The following CSMD3 variants were observed in gnomAD, a reference collection of about 807,000 sequenced individuals.
CSMD3 encodes the protein CUB and sushi domain-containing protein 3.
Under a neutral mutation model 435.2 loss-of-function variants are expected in CSMD3, and 177 were observed. The observed-to-expected ratio is 0.41, with a 90% confidence interval of 0.36 to 0.46. The LOEUF is 0.46. CSMD3 is among the 20% of genes least tolerant of loss of function. The pLI, the probability that CSMD3 is intolerant of heterozygous loss-of-function variation, is 0.34. For synonymous variants in CSMD3, 1,656 were observed against 1,520.5 expected, an observed-to-expected ratio of 1.09 and a Z score of -2.07; for missense variants, 4,265 against 4,504.6, an observed-to-expected ratio of 0.95 and a Z score of 1.52.
intron 58 of CSMD3, among the ~76,000 whole-genome samples, chr8:112,284,831 C>T (rs1819016243): frequency 6.6e-6 from 1 of 151,828 alleles, no homozygotes; most frequent in Non-Finnish European, 1.5e-5. Context: ...TGTCAAATTG[C>T]TCTCAAAATA....
At chr8:112,879,274 G>T (rs749058579) in intron 10 of CSMD3, among the ~76,000 whole-genome samples, 1 of 152,130 alleles carries the variant, frequency 6.6e-6, no homozygotes, top group Admixed American at 6.5e-5. Context: ...TGCAGTTGCA[G>T]ATAAGAGATG....
At chr8:113,035,335 A>G (rs2087297087) in intron 5 of CSMD3, among the ~76,000 whole-genome samples, 1 of 152,042 alleles carries the variant, frequency 6.6e-6, no homozygotes, top group Non-Finnish European at 1.5e-5. Flanking sequence ...AAGTTTATGT[A>G]CATTCAAGAA....
chr8:112,430,039 T>G (rs570481009), intron 32 of CSMD3, among the ~76,000 whole-genome samples: 9 of 152,144 alleles, frequency 5.9e-5, no homozygotes, highest in African/African-American at 1.9e-4. Flanking sequence ...TGCATAAAAC[T>G]TTCTTACAAA....
chr8:112,837,542 T>C (rs1305208238), intron 11 of CSMD3, among the ~76,000 whole-genome samples: 1 of 151,822 alleles, frequency 6.6e-6, no homozygotes, highest in Non-Finnish European at 1.5e-5. Context: ...GAAATATGTA[T>C]TACAATAAGC....
chr8:112,938,679 C>T (rs1003613577), intron 9 of CSMD3, among the ~76,000 whole-genome samples: 3 of 151,962 alleles, frequency 2.0e-5, no homozygotes, highest in African/African-American at 4.8e-5. Context: ...ACACACCACA[C>T]GACTGAAGTG....
chr8:112,559,936 A>AT (rs1258518579), intron 24 of CSMD3, among the ~76,000 whole-genome samples: 1 of 151,770 alleles, frequency 6.6e-6, no homozygotes, highest in Admixed American at 6.6e-5. Context: ...TAAGACAAAA[A>AT]TGCTGGAGAA....
chr8:112,420,386 C>A (rs1347679722), intron 32 of CSMD3, among the ~76,000 whole-genome samples: 2 of 152,028 alleles, frequency 1.3e-5, no homozygotes, highest in Non-Finnish European at 2.9e-5. Context: ...AAAATAGCCA[C>A]AATATAATTA....
chr8:112,841,816 T>A (rs1250035269), intron 11 of CSMD3, among the ~76,000 whole-genome samples: 1 of 151,822 alleles, frequency 6.6e-6, no homozygotes. Flanking sequence ...TCTCTGCAGA[T>A]GTTGCTCCCT....
intron 1 of CSMD3, among the ~76,000 whole-genome samples, chr8:113,432,724 A>G (rs1402527099): frequency 2.0e-5 from 3 of 152,182 alleles, no homozygotes; most frequent in Non-Finnish European, 4.4e-5. Context: ...GAGTGAGGAC[A>G]GCGCTGCGGT....
At chr8:113,390,717 C>T (rs990574546) in intron 1 of CSMD3, among the ~76,000 whole-genome samples, 2 of 151,870 alleles carry the variant, frequency 1.3e-5, no homozygotes, top group Non-Finnish European at 2.9e-5. Context: ...ACTGACAATT[C>T]TTCAAGAATA....
At chr8:112,506,269 A>G (rs1586548172) in intron 29 of CSMD3, among the ~76,000 whole-genome samples, 1 of 152,184 alleles carries the variant, frequency 6.6e-6, no homozygotes, top group South Asian at 2.1e-4. Flanking sequence ...TAAGCTTAAC[A>G]TTTCACATAA....
At chr8:113,230,202 G>A (rs146365858) in intron 3 of CSMD3, among the ~76,000 whole-genome samples, 17 of 151,744 alleles carry the variant, frequency 1.1e-4, no homozygotes, top group African/African-American at 4.1e-4. Flanking sequence ...TCAATTGCCA[G>A]ATGTTTTAAA....
At chr8:113,175,993 T>G (rs1430460038) in intron 3 of CSMD3, among the ~76,000 whole-genome samples, 2 of 151,992 alleles carry the variant, frequency 1.3e-5, no homozygotes, top group African/African-American at 4.8e-5. Context: ...AATGAACAAA[T>G]AAATGTATCC....
chr8:113,260,099 G>A (rs541333587), intron 3 of CSMD3, among the ~76,000 whole-genome samples: 29 of 152,156 alleles, frequency 1.9e-4, no homozygotes, highest in African/African-American at 7.0e-4. Flanking sequence ...AGTTTCCAGA[G>A]CCCTCCCTAG....
intron 2 of CSMD3, among the ~76,000 whole-genome samples, chr8:113,307,139 G>A (rs866108017): frequency 6.6e-6 from 1 of 151,980 alleles, no homozygotes; most frequent in African/African-American, 2.4e-5. Flanking sequence ...AGGGAGAAGA[G>A]TAATATTACT....
chr8:112,718,403 C>T (rs564279923), intron 13 of CSMD3, among the ~76,000 whole-genome samples: 6 of 152,016 alleles, frequency 3.9e-5, no homozygotes, highest in African/African-American at 1.2e-4. Flanking sequence ...CAACTCAACT[C>T]AACTCAACTC....
chr8:112,488,136 T>C (rs560123581), intron 31 of CSMD3, among the ~76,000 whole-genome samples: 1 of 152,294 alleles, frequency 6.6e-6, no homozygotes, highest in South Asian at 2.1e-4. Context: ...TTCTGACAAA[T>C]ATAATCTCCC....
At chr8:113,134,965 T>C (rs1220314339) in intron 4 of CSMD3, among the ~76,000 whole-genome samples, 2 of 151,952 alleles carry the variant, frequency 1.3e-5, no homozygotes, top group East Asian at 1.9e-4. Flanking sequence ...TTGTAACAAC[T>C]CACTCCCTAA....
chr8:112,524,562 A>G (rs994619320), intron 27 of CSMD3, among the ~76,000 whole-genome samples: 2 of 152,054 alleles, frequency 1.3e-5, no homozygotes, highest in African/African-American at 2.4e-5. Context: ...ACACAGGCTA[A>G]GAGGAATAGT....
Sources: gnomAD v4.1 joint callset for allele counts (sites outside exome capture counted in the v4.1 genomes callset) on GRCh38, gnomAD v4.1.1 for gene constraint, MANE v1.5 for transcripts, NCBI Gene and HGNC (gene_info 2026-07-23, HGNC 2026-07-21) for gene names.